ARMH4: variants seen among roughly 807,000 people sequenced by gnomAD.
ARMH4 encodes the protein armadillo-like helical domain-containing protein 4.
Under a neutral mutation model 61.9 loss-of-function variants are expected in ARMH4, and 49 were observed. That is an observed-to-expected ratio of 0.79 (90% confidence interval 0.63 to 1.00). The LOEUF (loss-of-function observed/expected upper bound fraction) is 1.00. Ranked by LOEUF, ARMH4 falls within the 50% of genes least tolerant of loss-of-function variation. ARMH4 has a pLI of 0.00. For missense variants in ARMH4, 934 were observed against 930.0 expected (o/e 1.00, Z -0.06); for synonymous variants, 368 against 341.5 (o/e 1.08, Z -0.85).
intron 1 of ARMH4, chr14:58,141,410 T>C (rs1887546310): frequency 5.6e-6 from 3 of 537,270 alleles, no homozygotes; most frequent in East Asian, 4.9e-5. Flanking sequence ...CAGCGTCTGA[T>C]ATTTGCTGGG....
chr14:58,074,942 G>A (rs1284453976), intron 5 of ARMH4, among the ~76,000 whole-genome samples: 1 of 152,030 alleles, frequency 6.6e-6, no homozygotes, highest in Admixed American at 6.6e-5. Context: ...ATTATGAGAG[G>A]GATGTGGCTT....
intron 5 of ARMH4, among the ~76,000 whole-genome samples, chr14:58,043,108 G>A (rs1288561160): frequency 1.3e-5 from 2 of 152,112 alleles, no homozygotes; most frequent in East Asian, 1.9e-4. Flanking sequence ...ATTTTATGAG[G>A]CCAGCATCAT....
intron 5 of ARMH4, among the ~76,000 whole-genome samples, chr14:58,047,053 T>C (rs1594720050): frequency 1.3e-5 from 2 of 152,176 alleles, no homozygotes. Flanking sequence ...AGATTACATG[T>C]ACTGGAAGAG....
chr14:58,039,986 T>C (rs1319741046), intron 5 of ARMH4, among the ~76,000 whole-genome samples: 1 of 151,656 alleles, frequency 6.6e-6, no homozygotes, highest in Non-Finnish European at 1.5e-5. Flanking sequence ...GGTACAACAA[T>C]AACATAAAAA....
At chr14:58,075,196 G>C (rs988134842) in intron 5 of ARMH4, among the ~76,000 whole-genome samples, 1 of 152,188 alleles carries the variant, frequency 6.6e-6, no homozygotes, top group Non-Finnish European at 1.5e-5. Context: ...AGACAGTGTG[G>C]TGATTCCTCA....
intron 4 of ARMH4, among the ~76,000 whole-genome samples, chr14:58,106,701 A>T (rs1319574797): frequency 1.3e-5 from 2 of 151,906 alleles, no homozygotes; most frequent in African/African-American, 4.8e-5. Flanking sequence ...CTTCCAAGAG[A>T]CTCAAACGGC....
chr14:58,052,516 C>T (rs1018747177), intron 5 of ARMH4, among the ~76,000 whole-genome samples: 5 of 152,040 alleles, frequency 3.3e-5, no homozygotes, highest in African/African-American at 1.2e-4. Context: ...GGGTGCATTC[C>T]CTCAGTCGAC....
intron 5 of ARMH4, among the ~76,000 whole-genome samples, chr14:58,061,653 T>C (rs778299726): frequency 1.3e-5 from 2 of 152,228 alleles, no homozygotes; most frequent in Non-Finnish European, 2.9e-5. Flanking sequence ...CAAATATGAC[T>C]ATAGTTTCAA....
intron 5 of ARMH4, among the ~76,000 whole-genome samples, chr14:58,068,535 G>C (rs1181212013): frequency 6.6e-6 from 1 of 152,046 alleles, no homozygotes; most frequent in African/African-American, 2.4e-5. Flanking sequence ...CTAATGATCT[G>C]TCATTTAGGA....
chr14:58,139,062 T>C lies in ARMH4; in HGVS notation c.297A>G (p.Gly99=), dbSNP rs200384919. The C allele has an allele frequency of 1.7e-5, 27 of 1,614,222 alleles. No homozygotes were observed. In the Admixed American group the frequency reaches 2.3e-4, roughly 14 times the overall value. ...AFSINKETQP[G]QAGLMQTERP... ...GTTCTGTTTGCATGAGCCCAGCTTG[T>C]CCAGGCTGGGTTTCTTTGTTAATCG... The change falls in exon 2 of 8, where the codon GGA becomes GGG. Residue 99 remains glycine (G), a synonymous_variant. Transcript: ENST00000267485.
rs1887365518 is a variant in ARMH4, at chr14:58,138,026, A to G, written c.1333T>C (p.Ser445Pro). The part of the protein sequence containing the change: ...ETTVSVSVYE[S>P]EADQLLGNTM... ...TTTCCCAACAGTTGGTCTGCCTCAG[A>G]CTCATATACAGAGACAGAAACAGTG... The change falls in exon 2 of 8, where the codon TCT (serine) becomes CCT (proline). Residue 445 changes from serine to proline, a missense_variant. By Grantham distance (74) the Ser-to-Pro change is moderately conservative (BLOSUM62 -1). Coordinates refer to ENST00000267485, the MANE Select transcript of ARMH4 (RefSeq NM_001001872.4). 6 of 1,613,906 alleles carry G rather than the reference A, an allele frequency of 3.7e-6. No individual in the cohort carries two copies. The highest frequency in any genetic ancestry group is 2.7e-5 in the African/African-American group (2 of 74,880).
At chr14:58,139,990 C>G (rs1488677436) in intron 1 of ARMH4, among the ~76,000 whole-genome samples, 1 of 152,114 alleles carries the variant, frequency 6.6e-6, no homozygotes, top group Non-Finnish European at 1.5e-5. Flanking sequence ...GACCCCAGAG[C>G]CAGGCACAGT....
intron 5 of ARMH4, among the ~76,000 whole-genome samples, chr14:58,044,460 T>C (rs1425374452): frequency 1.3e-5 from 2 of 152,096 alleles, no homozygotes; most frequent in African/African-American, 2.4e-5. Context: ...ATACAAAAAT[T>C]AATTCAAGAT....
At chr14:58,090,189 CA>C (rs1268991555) in intron 5 of ARMH4, among the ~76,000 whole-genome samples, 1 of 151,994 alleles carries the variant, frequency 6.6e-6, no homozygotes, top group Non-Finnish European at 1.5e-5. Context: ...ATTAACAAAC[CA>C]ATAGATTTAT....
intron 5 of ARMH4, among the ~76,000 whole-genome samples, chr14:58,077,526 G>A (rs148750174): frequency 1.7e-3 from 255 of 152,310 alleles, no homozygotes; most frequent in African/African-American, 5.9e-3. Flanking sequence ...GGGACCGCTT[G>A]AGCCTGGGAG....
At chr14:58,061,727 G>A (rs779922374) in intron 5 of ARMH4, among the ~76,000 whole-genome samples, 38 of 152,086 alleles carry the variant, frequency 2.5e-4, no homozygotes, top group African/African-American at 3.4e-4. Context: ...ACCAAAAGTC[G>A]TGTCAGGGAA....
intron 1 of ARMH4, chr14:58,141,320 C>T (rs1887542399): frequency 4.3e-6 from 2 of 466,486 alleles, no homozygotes; most frequent in Middle Eastern, 8.7e-4. Context: ...AAGACCATCA[C>T]CCTTGAGGTC....
At chr14:58,073,044 C>T (rs538263465) in intron 5 of ARMH4, among the ~76,000 whole-genome samples, 5 of 152,202 alleles carry the variant, frequency 3.3e-5, no homozygotes, top group Non-Finnish European at 7.3e-5. Flanking sequence ...GGGACGATAT[C>T]ACATACATTT....
intron 4 of ARMH4, 25 bp from the exon 5 acceptor site, chr14:58,097,006 A>G (rs1351579926): frequency 6.2e-7 from 1 of 1,605,892 alleles, no homozygotes; most frequent in African/African-American, 1.3e-5. Context: ...ATCAAAGGGA[A>G]GCATAAACAT....
Sources: gnomAD v4.1 joint callset for allele counts (sites outside exome capture counted in the v4.1 genomes callset) on GRCh38, gnomAD v4.1.1 for gene constraint, MANE v1.5 for transcripts, NCBI Gene and HGNC (gene_info 2026-07-23, HGNC 2026-07-21) for gene names.